Variants in MCF2L2 observed in about 807,000 individuals in gnomAD.
MCF2L2 encodes MCF.2 cell line derived transforming sequence-like 2.
In MCF2L2, 102 loss-of-function variants were observed where a neutral mutation model predicts 150.2. That is an observed-to-expected ratio of 0.68 (90% CI 0.58 to 0.80). MCF2L2 has a LOEUF of 0.80. Among genes scored for constraint, MCF2L2 ranks in the 30% least tolerant of loss-of-function variants. MCF2L2 has a pLI of 0.00. For synonymous variants in MCF2L2, 465 were observed against 491.3 expected, an observed-to-expected ratio of 0.95 and a Z score of 0.71; for missense variants, 1,256 against 1,372.8, an observed-to-expected ratio of 0.91 and a Z score of 1.34.
chr3:183,206,081 GA>G, intron 24 of MCF2L2, 40 bp downstream of exon 24: 1 of 1,584,150 alleles, frequency 6.3e-7, no homozygotes, highest in Non-Finnish European at 8.7e-7. Flanking sequence ...ACACAATAAG[GA>G]AAGAGTAGAG....
At chr3:183,286,113 TC>T (rs1727778675) in intron 14 of MCF2L2, among the ~76,000 whole-genome samples, 1 of 152,112 alleles carries the variant, frequency 6.6e-6, no homozygotes, top group South Asian at 2.1e-4. Context: ...CTTCTCAAGC[TC>T]CCCAGAACCA....
chr3:183,421,030 G>C (rs947226839), intron 1 of MCF2L2, among the ~76,000 whole-genome samples: 1 of 146,394 alleles, frequency 6.8e-6, no homozygotes, highest in African/African-American at 2.7e-5. Context: ...TATCATCTCT[G>C]ATGAGAGTTG....
intron 15 of MCF2L2, among the ~76,000 whole-genome samples, chr3:183,248,133 CTTAT>C (rs1351259534): frequency 6.6e-6 from 1 of 152,204 alleles, no homozygotes; most frequent in South Asian, 2.1e-4. Context: ...AGAGGGTTTA[CTTAT>C]TTATTAAATA....
chr3:183,327,240 G>A (rs558438955), intron 5 of MCF2L2, among the ~76,000 whole-genome samples: 7 of 152,166 alleles, frequency 4.6e-5, no homozygotes, highest in African/African-American at 9.6e-5. Flanking sequence ...CAGGAGAATC[G>A]CTTGAACCTG....
intron 10 of MCF2L2, among the ~76,000 whole-genome samples, chr3:183,303,194 C>CAAAAAAAAAAAAAAAAAAA (rs56742154): frequency 4.8e-5 from 6 of 123,952 alleles, no homozygotes; most frequent in African/African-American, 1.9e-4. Flanking sequence ...ACTCTGTCTC[C>CAAAAAAAAAAAAAAAAAAA]AAAAAAAAAA....
At chr3:183,368,865 A>C (rs543922694) in intron 3 of MCF2L2, among the ~76,000 whole-genome samples, 78 of 152,316 alleles carry the variant, frequency 5.1e-4, no homozygotes, top group Non-Finnish European at 8.2e-4. Context: ...AATGTACATC[A>C]TTACTAAATT....
chr3:183,358,909 T>C (rs1215216378), intron 3 of MCF2L2, among the ~76,000 whole-genome samples: 1 of 152,006 alleles, frequency 6.6e-6, no homozygotes, highest in Non-Finnish European at 1.5e-5. Flanking sequence ...GTATGATTAC[T>C]ACCATGCCTG....
chr3:183,192,732 C>A, intron 27 of MCF2L2: 1 of 366,576 alleles, frequency 2.7e-6, no homozygotes, highest in Admixed American at 4.3e-5. Flanking sequence ...GTAACTAAAA[C>A]CTGGAAAGTG....
chr3:183,277,447 A>G (rs1727225644), intron 14 of MCF2L2, among the ~76,000 whole-genome samples: 2 of 151,038 alleles, frequency 1.3e-5, no homozygotes, highest in Non-Finnish European at 2.9e-5. Context: ...CGATCACTGC[A>G]TTCAACATCT....
chr3:183,371,433 A>G (rs79203761), intron 3 of MCF2L2, among the ~76,000 whole-genome samples: 9,766 of 151,430 alleles, frequency 0.064, 342 homozygotes, highest in East Asian at 0.086. Flanking sequence ...ATAAGAGACA[A>G]AAGGTTGCAG....
At chr3:183,301,021 AAAAAAAAAAAAAAAAAGAAAT>A (rs1728818351) in intron 10 of MCF2L2, among the ~76,000 whole-genome samples, 1 of 129,848 alleles carries the variant, frequency 7.7e-6, no homozygotes, top group South Asian at 2.2e-4. Context: ...TCTCAAAAAA[AAAAAAAAAAAAAAAAAGAAAT>A]ATGCTTGTCT....
chr3:183,370,841 T>C (rs1029485631), intron 3 of MCF2L2, among the ~76,000 whole-genome samples: 11 of 152,242 alleles, frequency 7.2e-5, no homozygotes, highest in African/African-American at 2.4e-4. Context: ...GAGTGCCTTC[T>C]GATTTCAGGC....
At chr3:183,232,775 A>C (rs1056613174) in intron 15 of MCF2L2, among the ~76,000 whole-genome samples, 2 of 152,228 alleles carry the variant, frequency 1.3e-5, no homozygotes, top group African/African-American at 4.8e-5. Flanking sequence ...GGCATATTTT[A>C]AAAGAGCAAC....
intron 1 of MCF2L2, among the ~76,000 whole-genome samples, chr3:183,417,115 C>CAAAAAAAAAAAAA (rs74989072): frequency 2.3e-5 from 1 of 44,242 alleles, no homozygotes; most frequent in African/African-American, 7.3e-5. Context: ...GACTCTGTCT[C>CAAAAAAAAAAAAA]AAAAAAAAAA....
At chr3:183,275,629 G>A (rs1727119340) in intron 15 of MCF2L2, among the ~76,000 whole-genome samples, 1 of 152,044 alleles carries the variant, frequency 6.6e-6, no homozygotes, top group South Asian at 2.1e-4. Flanking sequence ...TCCTCTTTGA[G>A]ACAGGGTTTT....
intron 27 of MCF2L2, among the ~76,000 whole-genome samples, chr3:183,190,926 C>G (rs1195454803): frequency 6.6e-6 from 1 of 152,164 alleles, no homozygotes; most frequent in Non-Finnish European, 1.5e-5. Context: ...GCCCTTGTTG[C>G]CCAGGCTGGA....
intron 25 of MCF2L2, among the ~76,000 whole-genome samples, chr3:183,203,398 G>A (rs532749855): frequency 6.6e-6 from 1 of 152,178 alleles, no homozygotes; most frequent in South Asian, 2.1e-4. Context: ...TGTTTTAAAG[G>A]ACGAAACAGA....
chr3:183,276,266 C>A (rs1298999558), intron 15 of MCF2L2, among the ~76,000 whole-genome samples: 1 of 152,206 alleles, frequency 6.6e-6, no homozygotes, highest in Non-Finnish European at 1.5e-5. Context: ...ATTCTACAGA[C>A]ATTTTTCAGA....
At chr3:183,190,547 A>G (rs1721848474) in intron 27 of MCF2L2, among the ~76,000 whole-genome samples, 1 of 152,276 alleles carries the variant, frequency 6.6e-6, no homozygotes, top group Non-Finnish European at 1.5e-5. Flanking sequence ...GTCTAGCATC[A>G]GCCTGATCCC....
Sources: allele counts gnomAD v4.1 joint callset (sites outside exome capture counted in the v4.1 genomes callset), GRCh38; gene constraint gnomAD v4.1.1; transcripts MANE v1.5; gene names NCBI Gene and HGNC (gene_info 2026-07-23, HGNC 2026-07-21).